The following WDR54 variants were observed in gnomAD, a reference collection of about 807,000 sequenced individuals.
WDR54 encodes WD repeat-containing protein 54.
In WDR54, 44 loss-of-function variants were observed where a neutral mutation model predicts 44.1. That is an observed-to-expected ratio of 1.00 (90% CI 0.78 to 1.28). The LOEUF is 1.28. Ranked by LOEUF, WDR54 falls within the 50% of genes most tolerant of loss-of-function variation. The pLI is 0.00. For synonymous variants in WDR54, 169 were observed against 169.8 expected (o/e 1.00, Z 0.04); for missense variants, 409 against 429.7 (o/e 0.95, Z 0.43).
At chr2:74,423,667 A>T in intron 5 of WDR54, 136 bp downstream of exon 5, 1 of 1,441,042 alleles carries the variant, frequency 6.9e-7, no homozygotes, top group South Asian at 1.3e-5. Flanking sequence ...GACTCCAGTA[A>T]ACCATGGAAG....
chr2:74,423,801 T>G, intron 5 of WDR54, 54 bp from the exon 6 acceptor site: 1 of 1,599,144 alleles, frequency 6.3e-7, no homozygotes, highest in Non-Finnish European at 8.5e-7. Context: ...GTATGGTGGC[T>G]GGAGACCCAG....
rs1670340061 is a variant in WDR54, at chr2:74,425,540, C to G, written c.874-30C>G. ...ATGGGGGGGCCCAAGCATGGGGCAG[C>G]AGGCCCTGACGAGCCCTCTGCTCCC... On this transcript the variant is annotated intron_variant, in intron 9 of 9. Coordinates refer to ENST00000348227, the MANE Select transcript of WDR54 (RefSeq NM_032118.4). The G allele has an allele frequency of 2.5e-6, 4 of 1,614,194 alleles. No homozygotes were observed. In the East Asian group the frequency reaches 6.7e-5, roughly 27 times the overall value.
In WDR54 at chr2:74,425,516, TG is replaced by T. The variant is rs751332345; in HGVS notation, c.873+32del. On this transcript the variant is annotated intron_variant, in intron 9 of 9. Coordinates refer to ENST00000348227, the MANE Select transcript of WDR54 (RefSeq NM_032118.4). ...GGTATGTGTCATGGGGTGGGTGGAA[TG>T]GGGGGGCCCAAGCATGGGGCAGCAG... The T allele has an allele frequency of 1.8e-5, 29 of 1,613,998 alleles. 1 individual carries two copies. In the African/African-American group the frequency reaches 2.9e-4, roughly 16 times the overall value.
chr2:74,422,611 G>A, intron 2 of WDR54: 1 of 614,772 alleles, frequency 1.6e-6, no homozygotes, highest in Non-Finnish European at 2.8e-6. Context: ...CCAACATGGT[G>A]AAACCTCTTC....
chr2:74,423,237 G>T (rs1670203283), intron 3 of WDR54, 82 bp from the exon 4 acceptor site: 2 of 1,495,318 alleles, frequency 1.3e-6, no homozygotes, highest in Admixed American at 3.4e-5. Context: ...GGATTAAATG[G>T]GCTAAGGCTA....
At position 74,421,745 on chromosome 2, in the gene WDR54, G is replaced by C. The variant is rs773385392; in HGVS notation, c.-73G>C. 4 of 603,960 alleles carry C rather than the reference G, an allele frequency of 6.6e-6. No homozygotes were observed. In the East Asian group the frequency reaches 1.3e-4, roughly 19 times the overall value. The allele number at this position is 603,960 out of a possible 1,614,324, so 37.4% of individuals were successfully genotyped here. A position where few individuals can be genotyped will look rare whatever the true frequency, so the allele number is the denominator to read the frequency against. ...CCCAAGGGCCGTGCGTACGTGCGTC[G>C]TCTCTATGGTGGCGGCGGATTTGGA... On this transcript the variant is annotated 5_prime_UTR_variant, in exon 1 of 10. Transcript: ENST00000348227.
intron 6 of WDR54, 45 bp downstream of exon 6, chr2:74,424,027 G>A: frequency 6.2e-7 from 1 of 1,610,820 alleles, no homozygotes; most frequent in South Asian, 1.1e-5. Flanking sequence ...CCCCACCCTG[G>A]GAGGCAGGGG....
At chr2:74,424,643 T>C (rs1670276472) in intron 6 of WDR54, among the ~76,000 whole-genome samples, 1 of 152,094 alleles carries the variant, frequency 6.6e-6, no homozygotes, top group Non-Finnish European at 1.5e-5. Flanking sequence ...CCCCTCCTAA[T>C]GTTATTGGGG....
intron 6 of WDR54, 92 bp downstream of exon 6, chr2:74,424,074 T>C (rs1156591027): frequency 6.6e-7 from 1 of 1,513,140 alleles, no homozygotes; most frequent in Admixed American, 1.9e-5. Flanking sequence ...ACTAAACAGG[T>C]GGATGGCTTT....
chr2:74,422,151 A>G lies in WDR54; in HGVS notation c.-1-2A>G. 6.2e-7 allele frequency: 1 copy of G among 1,612,038 alleles called. No individual in the cohort carries two copies. On this transcript the variant is annotated splice_acceptor_variant, in intron 1 of 9. Coordinates refer to ENST00000348227, the MANE Select transcript of WDR54 (RefSeq NM_032118.4). LOFTEE classifies it low-confidence loss of function (5UTR_SPLICE). ...TGGTGATTCGGCTGCACCCCCACAC[A>G]GGATGTTCCGCTGGGAGCGCTCCAT...
chr2:74,424,081 C>G (rs1421945959), intron 6 of WDR54, 99 bp downstream of exon 6: 1 of 1,476,854 alleles, frequency 6.8e-7, no homozygotes, highest in African/African-American at 1.4e-5. Flanking sequence ...AGGTGGATGG[C>G]TTTGGGCAAA....
intron 3 of WDR54, 25 bp downstream of exon 3, chr2:74,422,957 C>T: frequency 6.2e-7 from 1 of 1,612,970 alleles, no homozygotes; most frequent in Non-Finnish European, 8.5e-7. Flanking sequence ...CTCCTGCTTG[C>T]CCCACCAGAG....
At chr2:74,423,613 T>A (rs896429740) in intron 5 of WDR54, 82 bp downstream of exon 5, 2 of 1,563,326 alleles carry the variant, frequency 1.3e-6, no homozygotes, top group African/African-American at 2.7e-5. Flanking sequence ...CCTGAGGAAA[T>A]TGTGGAAAGT....
At chr2:74,423,137 A>G in intron 3 of WDR54, 182 bp from the exon 4 acceptor site, 1 of 849,030 alleles carries the variant, frequency 1.2e-6, no homozygotes, top group Non-Finnish European at 1.9e-6. Flanking sequence ...TACTAGCTGT[A>G]TGTCCTTACA....
At chr2:74,425,276 G>T in intron 8 of WDR54, 39 bp downstream of exon 8, 1 of 1,533,332 alleles carries the variant, frequency 6.5e-7, no homozygotes, top group Admixed American at 2.0e-5. Flanking sequence ...CCTTTTTCCT[G>T]GCAGTGGAAT....
At chr2:74,425,383 G>C in intron 8 of WDR54, 34 bp from the exon 9 acceptor site, 3 of 1,613,356 alleles carry the variant, frequency 1.9e-6, no homozygotes, top group South Asian at 2.2e-5. Context: ...TGTCCCGTCA[G>C]GGCATTCTGA....
chr2:74,421,786 AG>A lies in WDR54; in HGVS notation c.-30del, dbSNP rs1293989235. 8.9e-6 allele frequency: 6 copies of A among 673,474 alleles called. No individual in the cohort carries two copies. Among genetic ancestry groups the A allele is most frequent in the South Asian group, 8.2e-5 (5 of 60,804 alleles). 41.7% of individuals were successfully genotyped at this position (673,474 alleles called of 1,614,324 possible). A position where few individuals can be genotyped will look rare whatever the true frequency, so the allele number is the denominator to read the frequency against. On this transcript the variant is annotated 5_prime_UTR_variant, in exon 1 of 10. Coordinates refer to ENST00000348227, the MANE Select transcript of WDR54 (RefSeq NM_032118.4). ...CGGATTTGGAGGGACCCTACGAACC[AG>A]GAGTCAGGCGAGCCGATCTGGGGCT...
Position 74,425,743 on chromosome 2 carries a change from C to G in WDR54, c.*42C>G. ...TTGTCCCTGTGGTATTCATAAAGTA[C>G]CCGCTCCACCCAGCCTTTGTCTGAT... On this transcript the variant is annotated 3_prime_UTR_variant, in exon 10 of 10. Coordinates refer to ENST00000348227, the MANE Select transcript of WDR54 (RefSeq NM_032118.4). The G allele has an allele frequency of 6.2e-7, 1 of 1,612,866 alleles. No homozygotes were observed. The highest frequency in any genetic ancestry group is 8.5e-7 in the Non-Finnish European group (1 of 1,179,596).
chr2:74,423,061 T>A, intron 3 of WDR54, 129 bp downstream of exon 3: 1 of 1,017,668 alleles, frequency 9.8e-7, no homozygotes, highest in Non-Finnish European at 1.5e-6. Flanking sequence ...ACTCTTTTTC[T>A]ATTTCTTATC....
Sources: gnomAD v4.1 joint callset for allele counts (sites outside exome capture counted in the v4.1 genomes callset) on GRCh38, gnomAD v4.1.1 for gene constraint, MANE v1.5 for transcripts, NCBI Gene and HGNC (gene_info 2026-07-23, HGNC 2026-07-21) for gene names.